Variants in OPTN observed in about 807,000 individuals in gnomAD.
The protein encoded by OPTN is E3-14.7K-interacting protein.
OPTN carries 54 observed loss-of-function variants against 70.4 expected under a neutral mutation model. That is an observed-to-expected ratio of 0.77 (90% CI 0.62 to 0.96). The LOEUF is 0.96. OPTN is among the 40% of genes least tolerant of loss of function. The pLI, the probability that OPTN is intolerant of heterozygous loss-of-function variation, is 0.00. For synonymous variants in OPTN, 256 were observed against 248.5 expected (o/e 1.03, Z -0.28); for missense variants, 624 against 673.2 (o/e 0.93, Z 0.81).
intron 11 of OPTN, among the ~76,000 whole-genome samples, 177 bp downstream of exon 11, chr10:13,126,216 A>G (rs1471138201): frequency 6.6e-6 from 1 of 151,968 alleles, no homozygotes; most frequent in Admixed American, 6.5e-5. Context: ...ACATATGTGT[A>G]ATGTGCTTTA....
chr10:13,101,370 G>A (rs1340325552), intron 1 of OPTN, among the ~76,000 whole-genome samples: 1 of 151,780 alleles, frequency 6.6e-6, no homozygotes, highest in Non-Finnish European at 1.5e-5. Flanking sequence ...ATTATGCTAG[G>A]AATATAACTA....
In OPTN at chr10:13,137,377, C is replaced by T. The variant is rs1485943235; in HGVS notation, c.*511C>T. ...CACCTTTGGTGGAGTTCCATCAACTCGCAAAGTAGAATCCTTACCTACTAC... is the reference window on the plus strand; with the variant it reads ...CACCTTTGGTGGAGTTCCATCAACTTGCAAAGTAGAATCCTTACCTACTAC... On this transcript the variant is annotated 3_prime_UTR_variant, in exon 15 of 15. Transcript: ENST00000378747. 5 of 243,170 alleles carry T rather than the reference C, an allele frequency of 2.1e-5. No homozygotes were observed. Among genetic ancestry groups the T allele is most frequent in the East Asian group, 6.0e-5 (1 of 16,752 alleles). 15.1% of individuals were successfully genotyped at this position (243,170 alleles called of 1,614,324 possible).
chr10:13,114,309 A>G (rs1044710815), intron 5 of OPTN, among the ~76,000 whole-genome samples: 7 of 152,162 alleles, frequency 4.6e-5, no homozygotes, highest in African/African-American at 1.7e-4. Flanking sequence ...CAAAATCAAG[A>G]TAATTAAAAT....
chr10:13,123,968 A>G (rs1833406256), intron 8 of OPTN, 27 bp from the exon 9 acceptor site: 2 of 1,502,446 alleles, frequency 1.3e-6, no homozygotes, highest in Admixed American at 1.7e-5. Flanking sequence ...AATTGTACAG[A>G]TATGTTTGGG....
chr10:13,136,015 C>T (rs1257174487), intron 14 of OPTN, among the ~76,000 whole-genome samples: 1 of 151,914 alleles, frequency 6.6e-6, no homozygotes, highest in African/African-American at 2.4e-5. Flanking sequence ...AGTGAGATCC[C>T]ATCCCTACAA....
intron 14 of OPTN, among the ~76,000 whole-genome samples, chr10:13,135,394 TTGTTAACTTTA>T (rs1180870445): frequency 6.6e-6 from 1 of 151,948 alleles, no homozygotes; most frequent in African/African-American, 2.4e-5. Context: ...TCATTCCTCC[TTGTTAACTTTA>T]TGTAGATAAC....
At chr10:13,121,370 G>A (rs1259537915) in intron 7 of OPTN, among the ~76,000 whole-genome samples, 1 of 151,992 alleles carries the variant, frequency 6.6e-6, no homozygotes, top group Non-Finnish European at 1.5e-5. Context: ...TCTTACTAGG[G>A]ATTGCATTGT....
intron 1 of OPTN, among the ~76,000 whole-genome samples, chr10:13,102,947 T>TAAA (rs71386153): frequency 1.5e-3 from 217 of 146,958 alleles, no homozygotes; most frequent in Non-Finnish European, 2.8e-3. Context: ...AGTCTTAATT[T>TAAA]AAAAAAAAAA....
rs1833440078 is a variant in OPTN at position 13,125,577 on chromosome 10, T to C, written c.1148+10T>C. The C allele has an allele frequency of 6.2e-7, 1 of 1,613,978 alleles. No individual in the cohort carries two copies. Among genetic ancestry groups the C allele is most frequent in the South Asian group, 1.1e-5 (1 of 91,068 alleles). On this transcript the variant is annotated intron_variant, in intron 10 of 14. Coordinates refer to ENST00000378747, the MANE Select transcript of OPTN (RefSeq NM_001008212.2). ...AAACAGAGGATGAAAAGTGAGTATG[T>C]TGAGTCAGAAGGGCAGCGACGGGGC...
At chr10:13,109,526 C>A (rs1387028564) in intron 3 of OPTN, 11 of 513,460 alleles carry the variant, frequency 2.1e-5, no homozygotes, top group Non-Finnish European at 3.2e-5. Context: ...ATATTTAGCC[C>A]ATTCAAAAGG....
chr10:13,116,508 C>CAACATTTTTTTTTTTT, intron 6 of OPTN, 168 bp downstream of exon 6: 1 of 680,542 alleles, frequency 1.5e-6, no homozygotes, highest in South Asian at 1.5e-5. Context: ...TGTTGCAGCT[C>CAACATTTTTTTTTTTT]AAACTGGCAA....
chr10:13,118,771 G>A (rs1833276213), intron 6 of OPTN, 117 bp from the exon 7 acceptor site: 1 of 891,102 alleles, frequency 1.1e-6, no homozygotes. Flanking sequence ...TTGAGAATTA[G>A]TTGGAGAATG....
intron 6 of OPTN, among the ~76,000 whole-genome samples, chr10:13,117,080 C>CTT (rs560052353): frequency 0.13 from 15,383 of 121,300 alleles, 3,142 homozygotes; most frequent in African/African-American, 0.41. Context: ...CTAAGGATCT[C>CTT]TTTTTTTTTT....
intron 1 of OPTN, among the ~76,000 whole-genome samples, chr10:13,102,716 G>T (rs180951242): frequency 1.3e-5 from 2 of 152,288 alleles, no homozygotes; most frequent in African/African-American, 4.8e-5. Flanking sequence ...GCCGAGGTGG[G>T]TGGATCACTT....
intron 2 of OPTN, chr10:13,108,868 C>T (rs1250442539): frequency 8.2e-6 from 4 of 488,912 alleles, no homozygotes; most frequent in South Asian, 3.9e-5. Flanking sequence ...TTTTATACAC[C>T]CATACACACA....
rs765335597 is a variant in OPTN at position 13,116,306 on chromosome 10, A to G, written c.592A>G (p.Ser198Gly). 14 of 1,613,634 alleles carry G rather than the reference A, an allele frequency of 8.7e-6. No homozygotes were observed. Among genetic ancestry groups the G allele is most frequent in the Non-Finnish European group, 1.2e-5 (14 of 1,179,686 alleles). Residue 198 changes from serine to glycine, a missense_variant, in exon 6 of 15, where the codon AGT becomes GGT. Physicochemically the swap from Ser to Gly is moderately conservative, Grantham distance 56. Transcript: ENST00000378747. Reference protein sequence around the residue: ...AEGSVKEIKHSPGPTRTVSTG... With the variant: ...AEGSVKEIKHGPGPTRTVSTG... ...AGGGTCAGTAAAAGAAATCAAGCAT[A>G]GTCCTGGGCCCACGAGAACAGTCTC...
intron 13 of OPTN, 117 bp downstream of exon 13, chr10:13,132,314 C>A: frequency 9.2e-7 from 1 of 1,082,716 alleles, no homozygotes; most frequent in Non-Finnish European, 1.4e-6. Flanking sequence ...CGCCACTGCA[C>A]TCCTGCCTAG....
intron 6 of OPTN, 150 bp from the exon 7 acceptor site, chr10:13,118,738 G>T (rs1833275392): frequency 1.4e-6 from 1 of 733,858 alleles, no homozygotes; most frequent in Admixed American, 2.2e-5. Flanking sequence ...GGGGTCCCAG[G>T]ACCAGCTGTG....
chr10:13,119,871 C>G (rs1833303319), intron 7 of OPTN, among the ~76,000 whole-genome samples: 1 of 152,012 alleles, frequency 6.6e-6, no homozygotes, highest in South Asian at 2.1e-4. Context: ...GAGCCTTTGC[C>G]CATTTTTAAA....
Sources: gnomAD v4.1 joint callset for allele counts (sites outside exome capture counted in the v4.1 genomes callset) on GRCh38, gnomAD v4.1.1 for gene constraint, MANE v1.5 for transcripts, NCBI Gene and HGNC (gene_info 2026-07-23, HGNC 2026-07-21) for gene names.